The following PACRG variants were observed in gnomAD, a reference collection of about 807,000 sequenced individuals.
PACRG encodes the protein parkin coregulated, also known as parkin coregulated gene protein.
Under a neutral mutation model 29.7 loss-of-function variants are expected in PACRG, and 29 were observed. The observed-to-expected ratio is 0.98, with a 90% CI of 0.73 to 1.33. PACRG has a LOEUF of 1.33. Ranked by LOEUF, PACRG falls within the 40% of genes most tolerant of loss-of-function variation. PACRG has a pLI of 0.00. For synonymous variants in PACRG, 116 were observed against 118.7 expected (o/e 0.98, Z 0.15); for missense variants, 279 against 316.2 (o/e 0.88, Z 0.89).
chr6:163,179,707 CAA>C (rs200887172), intron 4 of PACRG, among the ~76,000 whole-genome samples: 4,573 of 103,840 alleles, frequency 0.044, 190 homozygotes, highest in African/African-American at 0.12. Flanking sequence ...AGATCTGTCT[CAA>C]AAAAAAAAAA....
At chr6:163,300,687 C>T (rs1313602661) in intron 4 of PACRG, among the ~76,000 whole-genome samples, 1 of 152,226 alleles carries the variant, frequency 6.6e-6, no homozygotes, top group Non-Finnish European at 1.5e-5. Context: ...AATCAGGAAA[C>T]CGGAATATAA....
chr6:163,142,205 A>G (rs952867176), intron 4 of PACRG, among the ~76,000 whole-genome samples: 6 of 152,174 alleles, frequency 3.9e-5, no homozygotes, highest in African/African-American at 1.4e-4. Context: ...GAAATAAACA[A>G]AAGAGCAAAC....
At chr6:163,020,515 G>A (rs1203747714) in intron 2 of PACRG, among the ~76,000 whole-genome samples, 1 of 152,108 alleles carries the variant, frequency 6.6e-6, no homozygotes, top group Non-Finnish European at 1.5e-5. Flanking sequence ...CCTTTTGGTT[G>A]CAAACAAATA....
chr6:163,268,405 A>AAAAAAAAAAAGAAAAAG (rs71008143), intron 4 of PACRG, among the ~76,000 whole-genome samples: 1 of 143,694 alleles, frequency 7.0e-6, no homozygotes, highest in Admixed American at 7.3e-5. Context: ...GTCTCAAAGA[A>AAAAAAAAAAAGAAAAAG]AAAAAAAAAG....
At chr6:163,044,942 A>G (rs1054659140) in intron 2 of PACRG, among the ~76,000 whole-genome samples, 6 of 152,242 alleles carry the variant, frequency 3.9e-5, no homozygotes, top group Admixed American at 1.3e-4. Context: ...ATAATTAGAT[A>G]ATCTGGTTGC....
At chr6:162,979,108 C>T (rs776471882) in intron 2 of PACRG, among the ~76,000 whole-genome samples, 7 of 152,228 alleles carry the variant, frequency 4.6e-5, no homozygotes, top group Middle Eastern at 3.4e-3. Context: ...TTATAATGAC[C>T]TGCTTTCTTA....
chr6:163,107,318 T>A (rs1407463636), intron 4 of PACRG, among the ~76,000 whole-genome samples: 2 of 152,284 alleles, frequency 1.3e-5, no homozygotes, highest in African/African-American at 2.4e-5. Flanking sequence ...CAGAGATGCA[T>A]TGAAAATAAA....
intron 2 of PACRG, among the ~76,000 whole-genome samples, chr6:162,844,264 G>T (rs1188345660): frequency 2.6e-5 from 4 of 152,198 alleles, no homozygotes; most frequent in African/African-American, 9.7e-5. Flanking sequence ...CGTGGGCGTA[G>T]GACCCTCCGA....
At chr6:162,760,144 G>C (rs1279335981) in intron 1 of PACRG, among the ~76,000 whole-genome samples, 2 of 152,196 alleles carry the variant, frequency 1.3e-5, no homozygotes, top group East Asian at 1.9e-4. Context: ...ACTACTCCAA[G>C]TGCGGTGTAT....
At chr6:162,890,406 A>G (rs1238049660) in intron 2 of PACRG, among the ~76,000 whole-genome samples, 2 of 152,002 alleles carry the variant, frequency 1.3e-5, no homozygotes, top group African/African-American at 4.8e-5. Context: ...TTTTCTCCAG[A>G]TCTTCAAATG....
chr6:163,101,509 C>T, intron 4 of PACRG: 1 of 744,104 alleles, frequency 1.3e-6, no homozygotes, highest in Non-Finnish European at 1.6e-6. Flanking sequence ...ATATTTTGTC[C>T]TTCCAAAGTT....
intron 4 of PACRG, among the ~76,000 whole-genome samples, chr6:163,211,422 A>C (rs1223044446): frequency 6.6e-6 from 1 of 152,162 alleles, no homozygotes; most frequent in Non-Finnish European, 1.5e-5. Flanking sequence ...ATGATGAACA[A>C]ATTTTTTAAA....
chr6:163,044,722 T>C (rs1018925710), intron 2 of PACRG: 1 of 152,134 alleles, frequency 6.6e-6, no homozygotes, highest in Non-Finnish European at 1.5e-5. Context: ...CTCAGGTCGG[T>C]GAGTCCCACT....
intron 2 of PACRG, among the ~76,000 whole-genome samples, chr6:163,050,890 C>G (rs1184432796): frequency 1.3e-5 from 2 of 152,114 alleles, no homozygotes; most frequent in Non-Finnish European, 2.9e-5. Flanking sequence ...ATATTTACAT[C>G]TTTCTTAATT....
chr6:163,195,599 G>A (rs1241418429), intron 4 of PACRG, among the ~76,000 whole-genome samples: 2 of 152,140 alleles, frequency 1.3e-5, no homozygotes, highest in Non-Finnish European at 2.9e-5. Context: ...TTTGTGATAA[G>A]GGAGTGCAGG....
rs184167414 is a variant in PACRG at position 163,252,377 on chromosome 6, C to T, written c.614-62450C>T. ...GGAGTTTAGATGAGCAGCAGGGGGG[C>T]GACATCATCGGGGAAACAAATCACT... On this transcript the variant is annotated intron_variant, in intron 4 of 4. Coordinates refer to ENST00000366888, the MANE Select transcript of PACRG (RefSeq NM_001080379.2). Among the ~76,000 whole-genome samples, 79 of 152,318 alleles carry T rather than the reference C, an allele frequency of 5.2e-4. 2 individuals carry two copies. The South Asian group carries it at 0.014, about 27-fold the overall frequency.
chr6:163,264,717 AG>A (rs760905304), intron 4 of PACRG, among the ~76,000 whole-genome samples: 22 of 152,158 alleles, frequency 1.4e-4, no homozygotes, highest in Non-Finnish European at 2.4e-4. Context: ...GGTGAAACTG[AG>A]TTGGGGACAA....
At chr6:163,215,984 A>G (rs895652792) in intron 4 of PACRG, among the ~76,000 whole-genome samples, 1 of 152,326 alleles carries the variant, frequency 6.6e-6, no homozygotes. Flanking sequence ...AAGGTCAGGA[A>G]CCGCAGCAGT....
In PACRG at chr6:162,831,428, G is replaced by A. The variant is rs113210498; in HGVS notation, c.291+17147G>A. On this transcript the variant is annotated intron_variant, in intron 2 of 4. Transcript: ENST00000366888. The stretch of plus-strand genomic sequence containing the variant: ...TAGTGCTTGAGATCTTGAATAAGGT[G>A]AAATCATAAGAATGCCATATTATTT... Among the ~76,000 whole-genome samples, 1,244 of 152,284 alleles carry A rather than the reference G, an allele frequency of 8.2e-3. 16 individuals are homozygous for A. Among genetic ancestry groups the A allele is most frequent in the South Asian group, 0.036 (173 of 4,828 alleles).
Sources: allele counts gnomAD v4.1 joint callset (sites outside exome capture counted in the v4.1 genomes callset), GRCh38; gene constraint gnomAD v4.1.1; transcripts MANE v1.5; gene names NCBI Gene and HGNC (gene_info 2026-07-23, HGNC 2026-07-21).